The following CERT1 variants were observed in gnomAD, a reference collection of about 807,000 sequenced individuals.
CERT1 encodes ceramide transporter 1.
CERT1 carries 31 observed loss-of-function variants against 87.9 expected under a neutral mutation model. That is an observed-to-expected ratio of 0.35 (90% confidence interval 0.27 to 0.48). The LOEUF (loss-of-function observed/expected upper bound fraction) is 0.48. Among genes scored for constraint, CERT1 ranks in the 20% least tolerant of loss-of-function variants. CERT1 has a pLI of 0.99. For missense variants in CERT1, 487 were observed against 758.0 expected, an observed-to-expected ratio of 0.64 and a Z score of 4.20; for synonymous variants, 289 against 250.9, an observed-to-expected ratio of 1.15 and a Z score of -1.44.
chr5:75,376,414 A>C (rs933573570), downstream of CERT1: 2 of 152,208 alleles, frequency 1.3e-5, no homozygotes, highest in African/African-American at 2.4e-5. Flanking sequence ...AGTTAGAGTG[A>C]AACAAAATCT....
chr5:75,425,713 T>C (rs946099994), intron 4 of CERT1, among the ~76,000 whole-genome samples: 1 of 152,238 alleles, frequency 6.6e-6, no homozygotes, highest in Non-Finnish European at 1.5e-5. Context: ...TGAATGATGA[T>C]AACCTCGTGA....
chr5:75,382,408 C>T (rs1288889692), intron 14 of CERT1, among the ~76,000 whole-genome samples: 2 of 152,090 alleles, frequency 1.3e-5, no homozygotes, highest in Admixed American at 1.3e-4. Context: ...AATTTATCAT[C>T]ATCCCAAACA....
At chr5:75,381,268 T>C in intron 15 of CERT1, 67 bp from the exon 16 acceptor site, 2 of 1,558,804 alleles carry the variant, frequency 1.3e-6, no homozygotes, top group South Asian at 1.1e-5. Flanking sequence ...GGTCTAATAT[T>C]ATATTAGGTT....
chr5:75,373,931 G>A (rs1761179141), downstream of CERT1: 1 of 395,170 alleles, frequency 2.5e-6, no homozygotes, highest in Non-Finnish European at 4.4e-6. Flanking sequence ...TCTCTTCTAG[G>A]AGCAAGCAAA....
chr5:75,407,867 T>G (rs2112113262), intron 8 of CERT1, among the ~76,000 whole-genome samples: 1 of 151,682 alleles, frequency 6.6e-6, no homozygotes, highest in African/African-American at 2.4e-5. Context: ...TTTTTTTTTT[T>G]TTTTTGGCAC....
intron 3 of CERT1, among the ~76,000 whole-genome samples, chr5:75,432,079 A>C (rs1763893833): frequency 1.4e-5 from 2 of 140,840 alleles, no homozygotes; most frequent in African/African-American, 2.7e-5. Context: ...TGAGATGAAG[A>C]CTTGCTCTGT....
chr5:75,397,026 T>G (rs1297581683), intron 11 of CERT1, among the ~76,000 whole-genome samples: 1 of 152,232 alleles, frequency 6.6e-6, no homozygotes, highest in Non-Finnish European at 1.5e-5. Context: ...TGCTAGATCC[T>G]TTGATAATGG....
chr5:75,507,745 A>G (rs571195419), intron 1 of CERT1, among the ~76,000 whole-genome samples: 1 of 152,288 alleles, frequency 6.6e-6, no homozygotes, highest in African/African-American at 2.4e-5. Context: ...AGTTTTGACA[A>G]GTTACTTTTG....
chr5:75,511,335 A>G lies in CERT1; in HGVS notation c.-128T>C. 1 of 1,545,012 alleles carries G rather than the reference A, an allele frequency of 6.5e-7. No individual in the cohort carries two copies. The highest frequency in any genetic ancestry group is 8.7e-7 in the Non-Finnish European group (1 of 1,145,964). The stretch of plus-strand genomic sequence containing the variant: ...GAGTGCCCGCTCCGGTGTGGGGGGG[A>G]GCAGGAGGAGGGACGAAGTCCGCCC... On this transcript the variant is annotated 5_prime_UTR_variant, in exon 1 of 17. Transcript: ENST00000643780.
At chr5:75,410,808 C>A in intron 8 of CERT1, 2 of 344,616 alleles carry the variant, frequency 5.8e-6, no homozygotes, top group South Asian at 1.7e-4. Flanking sequence ...CTTTTGAAGC[C>A]TAAACTTTGT....
At chr5:75,419,055 G>C (rs1274811549) in intron 6 of CERT1, among the ~76,000 whole-genome samples, 3 of 152,030 alleles carry the variant, frequency 2.0e-5, no homozygotes, top group Admixed American at 6.6e-5. Flanking sequence ...ATAAACCCTC[G>C]CATTTACAGT....
At chr5:75,426,245 A>G in intron 4 of CERT1, 126 bp downstream of exon 4, 2 of 540,540 alleles carry the variant, frequency 3.7e-6, no homozygotes, top group South Asian at 7.4e-5. Context: ...TACTTCTCTA[A>G]TAACTTCAAA....
At chr5:75,474,859 C>A (rs1431491353) in intron 2 of CERT1, among the ~76,000 whole-genome samples, 1 of 150,026 alleles carries the variant, frequency 6.7e-6, no homozygotes, top group Non-Finnish European at 1.5e-5. Flanking sequence ...CTATATGAGT[C>A]TAATAATCTC....
chr5:75,483,041 G>A (rs1315399720), intron 2 of CERT1, among the ~76,000 whole-genome samples: 1 of 152,142 alleles, frequency 6.6e-6, no homozygotes, highest in Non-Finnish European at 1.5e-5. Context: ...AACAAACTAA[G>A]TAAGGCACCA....
At chr5:75,490,128 G>C (rs1766712618) in intron 2 of CERT1, among the ~76,000 whole-genome samples, 1 of 152,162 alleles carries the variant, frequency 6.6e-6, no homozygotes, top group East Asian at 1.9e-4. Context: ...TTCTCACTTA[G>C]AAGTGGGAGG....
chr5:75,407,036 T>C (rs762326621), intron 8 of CERT1, among the ~76,000 whole-genome samples: 16 of 152,130 alleles, frequency 1.1e-4, no homozygotes, highest in Non-Finnish European at 2.1e-4. Context: ...AAAAGATAGA[T>C]GGTTCAAAAC....
chr5:75,482,323 C>T (rs888552226), intron 2 of CERT1, among the ~76,000 whole-genome samples: 4 of 152,164 alleles, frequency 2.6e-5, no homozygotes, highest in Non-Finnish European at 1.5e-5. Context: ...GGCACTCTAT[C>T]ATGAGGAAAG....
chr5:75,437,202 A>T (rs1479018907), intron 3 of CERT1, among the ~76,000 whole-genome samples: 1 of 152,226 alleles, frequency 6.6e-6, no homozygotes, highest in Admixed American at 6.5e-5. Flanking sequence ...CAAAATATAA[A>T]CATTAAACAC....
intron 2 of CERT1, among the ~76,000 whole-genome samples, chr5:75,501,772 GATAC>G (rs1767382502): frequency 6.6e-6 from 1 of 151,980 alleles, no homozygotes; most frequent in Non-Finnish European, 1.5e-5. Flanking sequence ...ATGCTACCAG[GATAC>G]ATAATTAGTC....
Sources: allele counts gnomAD v4.1 joint callset (sites outside exome capture counted in the v4.1 genomes callset), GRCh38; gene constraint gnomAD v4.1.1; transcripts MANE v1.5; gene names NCBI Gene and HGNC (gene_info 2026-07-23, HGNC 2026-07-21).